The following FBXW8 variants were observed in gnomAD, a reference collection of about 807,000 sequenced individuals.
FBXW8 encodes F-box/WD repeat-containing protein 8.
Under a neutral mutation model 65.3 loss-of-function variants are expected in FBXW8, and 57 were observed. The observed-to-expected ratio is 0.87, with a 90% confidence interval of 0.71 to 1.09. The LOEUF (loss-of-function observed/expected upper bound fraction) is 1.09. FBXW8 is among the 50% of genes least tolerant of loss of function. The pLI, the probability that FBXW8 is intolerant of heterozygous loss-of-function variation, is 0.00. For synonymous variants in FBXW8, 308 were observed against 330.2 expected (o/e 0.93, Z 0.73); for missense variants, 777 against 814.8 (o/e 0.95, Z 0.57).
At chr12:116,979,237 C>T (rs1219375165) in intron 5 of FBXW8, 1 of 152,234 alleles carries the variant, frequency 6.6e-6, no homozygotes, top group East Asian at 1.9e-4. Context: ...ATTTAGATCC[C>T]ATTTCCACTA....
At chr12:116,944,047 T>C (rs1351278040) in intron 2 of FBXW8, among the ~76,000 whole-genome samples, 3 of 152,196 alleles carry the variant, frequency 2.0e-5, no homozygotes, top group Non-Finnish European at 4.4e-5. Context: ...TAATGGCTGC[T>C]AGGCTGCCGG....
chr12:116,973,703 C>G (rs957548586), intron 5 of FBXW8, among the ~76,000 whole-genome samples: 6 of 152,106 alleles, frequency 3.9e-5, no homozygotes, highest in African/African-American at 1.2e-4. Context: ...AAGAACTATT[C>G]CAGGTGGAAA....
At position 116,947,751 on chromosome 12, in the gene FBXW8, A is replaced by AAAAGT. The variant is rs748321300; in HGVS notation, c.589-1863_589-1862insTAAAG. Among the ~76,000 whole-genome samples the AAAAGT allele has an allele frequency of 7.8e-4, 18 of 23,180 alleles. No homozygotes were observed. The Admixed American group carries it at 9.7e-3, about 12-fold the overall frequency. 15.2% of individuals were successfully genotyped at this position (23,180 alleles called of 152,430 possible). ...GAGACTGTCTCAAAAAAAAAAAAAA[A>AAAAGT]AAAGAAAAGAAAGAAAGAAATGAAA... On this transcript the variant is annotated intron_variant, in intron 3 of 10. Transcript: ENST00000652555.
chr12:116,910,961 G>A lies in FBXW8; in HGVS notation c.-77G>A. The A allele has an allele frequency of 3.1e-6, 4 of 1,270,564 alleles. No homozygotes were observed. The highest frequency in any genetic ancestry group is 1.0e-6 in the Non-Finnish European group (1 of 1,003,314). The allele number at this position is 1,270,564 out of a possible 1,614,324, so 78.7% of individuals were successfully genotyped here. A position where few individuals can be genotyped will look rare whatever the true frequency, so the allele number is the denominator to read the frequency against. On this transcript the variant is annotated 5_prime_UTR_variant, in exon 1 of 11. Transcript: ENST00000652555. ...GGCGGCAGCGGCTTCCGGCCGCGGC[G>A]GACACTTCCCTGGGCGGGACTGTCT...
intron 1 of FBXW8, among the ~76,000 whole-genome samples, chr12:116,917,991 C>CA (rs11451674): frequency 0.64 from 75,899 of 117,890 alleles, 24,370 homozygotes; most frequent in East Asian, 0.78. Context: ...GACTCCACCT[C>CA]AAAAAAAAAA....
intron 1 of FBXW8, among the ~76,000 whole-genome samples, chr12:116,916,884 TTGTG>T: frequency 8.1e-6 from 1 of 123,838 alleles, no homozygotes; most frequent in South Asian, 2.9e-4. Flanking sequence ...GGTTGGCTAA[TTGTG>T]CGTGTGTGTG....
chr12:116,914,188 G>A (rs1304281783), intron 1 of FBXW8, among the ~76,000 whole-genome samples: 3 of 152,020 alleles, frequency 2.0e-5, no homozygotes, highest in Admixed American at 6.5e-5. Context: ...TGGGAGGATC[G>A]CTTGAACCCA....
intron 1 of FBXW8, among the ~76,000 whole-genome samples, chr12:116,923,201 G>C (rs1881041823): frequency 6.6e-6 from 1 of 152,084 alleles, no homozygotes; most frequent in Non-Finnish European, 1.5e-5. Flanking sequence ...GCGAGACTCT[G>C]TCTCAAAAGA....
chr12:117,001,770 G>A (rs1449366123), intron 7 of FBXW8, among the ~76,000 whole-genome samples: 1 of 152,084 alleles, frequency 6.6e-6, no homozygotes, highest in Non-Finnish European at 1.5e-5. Flanking sequence ...TTTGCACGAT[G>A]GTTATCATCT....
At chr12:116,940,532 A>G (rs1033688600) in intron 2 of FBXW8, among the ~76,000 whole-genome samples, 3 of 151,280 alleles carry the variant, frequency 2.0e-5, no homozygotes, top group African/African-American at 7.3e-5. Context: ...TTAAAAAAAA[A>G]AACCCTGAAG....
At chr12:116,926,209 A>C (rs796818199) in intron 1 of FBXW8, among the ~76,000 whole-genome samples, 42 of 152,348 alleles carry the variant, frequency 2.8e-4, no homozygotes, top group African/African-American at 8.4e-4. Context: ...CAATTGAAGA[A>C]AGCAATGCCT....
At chr12:116,969,248 A>G (rs1022315637) in intron 5 of FBXW8, among the ~76,000 whole-genome samples, 15 of 152,168 alleles carry the variant, frequency 9.9e-5, no homozygotes, top group Admixed American at 2.0e-4. Context: ...TCATTTTGGT[A>G]TTAAGGGCTC....
At chr12:116,921,855 T>G (rs1880934833) in intron 1 of FBXW8, among the ~76,000 whole-genome samples, 1 of 138,652 alleles carries the variant, frequency 7.2e-6, no homozygotes. Flanking sequence ...TTAGACAGGC[T>G]CTCTCTCGCT....
intron 4 of FBXW8, among the ~76,000 whole-genome samples, chr12:116,952,050 C>T (rs1049438907): frequency 6.6e-6 from 1 of 152,198 alleles, no homozygotes; most frequent in Non-Finnish European, 1.5e-5. Context: ...TCTTTCCAAG[C>T]TACCTTTTTC....
At chr12:116,953,327 G>A (rs574298530) in intron 4 of FBXW8, among the ~76,000 whole-genome samples, 7 of 152,322 alleles carry the variant, frequency 4.6e-5, no homozygotes, top group East Asian at 1.9e-4. Context: ...CTGGGTGTGC[G>A]TGAGTGGAGC....
At chr12:116,992,761 G>GGTGTGTGTGTGTGTGTGTGT (rs59119067) in intron 7 of FBXW8, among the ~76,000 whole-genome samples, 2 of 143,550 alleles carry the variant, frequency 1.4e-5, no homozygotes, top group East Asian at 2.0e-4. Flanking sequence ...ATTATTCCAT[G>GGTGTGTGTGTGTGTGTGTGT]GTGTGTGTGT....
At chr12:116,913,568 A>T (rs1880165815) in intron 1 of FBXW8, among the ~76,000 whole-genome samples, 1 of 152,190 alleles carries the variant, frequency 6.6e-6, no homozygotes, top group Admixed American at 6.5e-5. Flanking sequence ...TCATTAAGTG[A>T]AAGTGGCTCA....
intron 2 of FBXW8, among the ~76,000 whole-genome samples, chr12:116,929,168 G>A (rs1355467303): frequency 6.6e-6 from 1 of 152,080 alleles, no homozygotes; most frequent in Admixed American, 6.5e-5. Flanking sequence ...CTTTGAGAGA[G>A]GCAAAGGTTT....
At chr12:116,996,149 C>T (rs1424441955) in intron 7 of FBXW8, among the ~76,000 whole-genome samples, 1 of 152,132 alleles carries the variant, frequency 6.6e-6, no homozygotes, top group Non-Finnish European at 1.5e-5. Flanking sequence ...GTCTGAAGTA[C>T]TTGGCATTTG....
Sources: gnomAD v4.1 joint callset for allele counts (sites outside exome capture counted in the v4.1 genomes callset) on GRCh38, gnomAD v4.1.1 for gene constraint, MANE v1.5 for transcripts, NCBI Gene and HGNC (gene_info 2026-07-23, HGNC 2026-07-21) for gene names.